The following COL21A1 variants were observed in gnomAD, a reference collection of about 807,000 sequenced individuals.
COL21A1 encodes the protein collagen alpha-1(XXI) chain.
In COL21A1, 149 loss-of-function variants were observed where a neutral mutation model predicts 137.9. That is an observed-to-expected ratio of 1.08 (90% CI 0.95 to 1.24). COL21A1 has a LOEUF of 1.24. COL21A1 is among the 50% of genes most tolerant of loss of function. COL21A1 has a pLI of 0.00. For synonymous variants in COL21A1, 456 were observed against 391.5 expected (o/e 1.16, Z -1.95); for missense variants, 1,167 against 1,158.4 (o/e 1.01, Z -0.11).
chr6:56,327,763 T>C lies in COL21A1; in HGVS notation c.-39+66208A>G, dbSNP rs114141762. Among the ~76,000 whole-genome samples the C allele has an allele frequency of 7.5e-3, 1,144 of 152,182 alleles. 13 individuals carry two copies. Among genetic ancestry groups the C allele is most frequent in the African/African-American group, 0.026 (1,083 of 41,538 alleles). On this transcript the variant is annotated intron_variant, in intron 1 of 28. Coordinates refer to the COL21A1 transcript ENST00000370819. Reference sequence around the variant, plus strand: ...TTAGATACTCCTGGGCAACTCATTGTCCTGCCTAAGCTTAGGTTTCTTCAA... The same window carrying C: ...TTAGATACTCCTGGGCAACTCATTGCCCTGCCTAAGCTTAGGTTTCTTCAA...
chr6:56,153,430 C>A (rs1329528735), intron 10 of COL21A1, among the ~76,000 whole-genome samples: 1 of 151,922 alleles, frequency 6.6e-6, no homozygotes, highest in East Asian at 1.9e-4. Flanking sequence ...TCATTTTTTT[C>A]TTTTGCCTCA....
chr6:56,141,686 A>G, intron 12 of COL21A1, 99 bp downstream of exon 12: 1 of 1,301,030 alleles, frequency 7.7e-7, no homozygotes, highest in East Asian at 2.3e-5. Flanking sequence ...AAATCTTAGA[A>G]TTCACCAAGA....
In COL21A1 at chr6:56,145,911, A is replaced by G. The variant is rs563687827; in HGVS notation, c.1435-3928T>C. 3.9e-5 allele frequency among the ~76,000 whole-genome samples: 6 copies of G among 152,178 alleles called. No homozygotes were observed. The South Asian group carries it at 1.2e-3, about 32-fold the overall frequency. ...TCACTGCCAAATTGTAGGGTTGAAG[A>G]AAAGAATACAGAATCAATTTAATTT... On this transcript the variant is annotated intron_variant, in intron 10 of 29. Coordinates refer to ENST00000244728, the MANE Select transcript of COL21A1 (RefSeq NM_030820.4).
At chr6:56,309,125 C>A (rs1165337839) in intron 1 of COL21A1, among the ~76,000 whole-genome samples, 1 of 151,784 alleles carries the variant, frequency 6.6e-6, no homozygotes, top group Non-Finnish European at 1.5e-5. Flanking sequence ...TCACTGCAAC[C>A]TCTGCCTCCC....
chr6:56,344,931 A>G (rs1267293470), intron 1 of COL21A1, among the ~76,000 whole-genome samples: 1 of 152,170 alleles, frequency 6.6e-6, no homozygotes, highest in Non-Finnish European at 1.5e-5. Flanking sequence ...TGAGCCAATT[A>G]AATCTCTTTT....
intron 1 of COL21A1, among the ~76,000 whole-genome samples, chr6:56,332,795 T>C (rs955990855): frequency 1.3e-5 from 2 of 152,052 alleles, no homozygotes; most frequent in African/African-American, 4.8e-5. Flanking sequence ...TCTAAATGTT[T>C]CTTAACCATT....
rs570048227 is a variant in COL21A1 at position 56,304,446 on chromosome 6, G to C, written c.-39+89525C>G. 6.5e-3 allele frequency among the ~76,000 whole-genome samples: 985 copies of C among 151,396 alleles called. 10 individuals are homozygous for C. The highest frequency in any genetic ancestry group is 0.023 in the African/African-American group (944 of 41,330). On this transcript the variant is annotated intron_variant, in intron 1 of 28. Coordinates refer to the COL21A1 transcript ENST00000370819. ...GTCTATTCAGAGATTCAACTTCTTCGTGGTTTAGTCTTGGGAGGGTGTATG... is the reference window on the plus strand; with the variant it reads ...GTCTATTCAGAGATTCAACTTCTTCCTGGTTTAGTCTTGGGAGGGTGTATG...
chr6:56,248,884 G>A (rs998761268), upstream of COL21A1, among the ~76,000 whole-genome samples: 4 of 152,034 alleles, frequency 2.6e-5, no homozygotes, highest in Admixed American at 2.0e-4. Context: ...AGCAATTCAA[G>A]AAAAAATAAG....
intron 1 of COL21A1, among the ~76,000 whole-genome samples, chr6:56,307,545 G>C (rs181219711): frequency 2.0e-4 from 31 of 152,330 alleles, no homozygotes; most frequent in African/African-American, 6.7e-4. Context: ...TAATCTCCTG[G>C]TGTGCCATTT....
At chr6:56,069,324 A>G (rs1287426630) in intron 21 of COL21A1, among the ~76,000 whole-genome samples, 1 of 151,592 alleles carries the variant, frequency 6.6e-6, no homozygotes, top group Admixed American at 6.6e-5. Context: ...CAGTTGAAAA[A>G]TTCTCACAGC....
At chr6:56,106,926 A>G (rs1365495375) in intron 16 of COL21A1, among the ~76,000 whole-genome samples, 2 of 152,000 alleles carry the variant, frequency 1.3e-5, no homozygotes, top group Admixed American at 6.6e-5. Flanking sequence ...AGCTGGGACT[A>G]CAGGCGCCCG....
intron 1 of COL21A1, among the ~76,000 whole-genome samples, chr6:56,303,857 G>T (rs1490733869): frequency 1.3e-5 from 2 of 152,064 alleles, no homozygotes; most frequent in South Asian, 2.1e-4. Flanking sequence ...AGTATGATAT[G>T]GGCTGTGGGT....
chr6:56,306,918 T>C (rs546274608), intron 1 of COL21A1, among the ~76,000 whole-genome samples: 2 of 152,244 alleles, frequency 1.3e-5, no homozygotes, highest in African/African-American at 2.4e-5. Context: ...ATGTCCTTTC[T>C]GTTTGTTAGT....
chr6:56,152,769 A>G (rs557381798), intron 10 of COL21A1, among the ~76,000 whole-genome samples: 1 of 152,158 alleles, frequency 6.6e-6, no homozygotes, highest in Admixed American at 6.5e-5. Context: ...TTTTTTTATC[A>G]CTAAAAAGAA....
At chr6:56,254,524 C>T (rs1782924601) in intron 1 of COL21A1, among the ~76,000 whole-genome samples, 1 of 152,160 alleles carries the variant, frequency 6.6e-6, no homozygotes, top group Admixed American at 6.5e-5. Flanking sequence ...TGGTTAGTAA[C>T]AGGCTGGGAT....
chr6:56,258,514 C>A (rs1763169714), intron 1 of COL21A1, among the ~76,000 whole-genome samples: 1 of 152,036 alleles, frequency 6.6e-6, no homozygotes, highest in Non-Finnish European at 1.5e-5. Flanking sequence ...ACAAGGGAAG[C>A]CTCGGAGTAA....
intron 1 of COL21A1, among the ~76,000 whole-genome samples, chr6:56,346,819 C>T (rs1156460616): frequency 6.6e-6 from 1 of 152,172 alleles, no homozygotes; most frequent in African/African-American, 2.4e-5. Flanking sequence ...CTCAGGGTAG[C>T]AGCAGATGGA....
chr6:56,151,529 A>C (rs1478582450), intron 10 of COL21A1, among the ~76,000 whole-genome samples: 1 of 152,220 alleles, frequency 6.6e-6, no homozygotes, highest in Admixed American at 6.5e-5. Context: ...CTGAGAAAGA[A>C]ATGGAAGGAT....
chr6:56,121,976 A>G (rs2764052), intron 16 of COL21A1, among the ~76,000 whole-genome samples: 111,490 of 151,780 alleles, frequency 0.73, 41,440 homozygotes, highest in East Asian at 0.87. Context: ...TATGAAGGGT[A>G]GTATGAACCT....
Sources: gnomAD v4.1 joint callset for allele counts (sites outside exome capture counted in the v4.1 genomes callset) on GRCh38, gnomAD v4.1.1 for gene constraint, MANE v1.5 for transcripts, NCBI Gene and HGNC (gene_info 2026-07-23, HGNC 2026-07-21) for gene names.